The following GAS7 variants were observed in gnomAD, a reference collection of about 807,000 sequenced individuals.
The protein encoded by GAS7 is growth arrest specific 7, also known as growth arrest-specific protein 7.
Under a neutral mutation model 71.1 loss-of-function variants are expected in GAS7, and 28 were observed. The observed-to-expected ratio is 0.39, with a 90% CI of 0.29 to 0.54. The LOEUF (loss-of-function observed/expected upper bound fraction) is 0.54. Among genes scored for constraint, GAS7 ranks in the 20% least tolerant of loss-of-function variants. The probability of loss-of-function intolerance (pLI) is 0.62; values close to 1 mark genes in which losing one functional copy is unlikely to be tolerated. For missense variants in GAS7, 436 were observed against 627.8 expected, an observed-to-expected ratio of 0.69 and a Z score of 3.27; for synonymous variants, 258 against 245.8, an observed-to-expected ratio of 1.05 and a Z score of -0.46.
At chr17:10,121,134 A>C (rs1485017197) in intron 1 of GAS7, among the ~76,000 whole-genome samples, 1 of 152,160 alleles carries the variant, frequency 6.6e-6, no homozygotes, top group Non-Finnish European at 1.5e-5. Flanking sequence ...TAATCCCAGC[A>C]CTTTGCGAGG....
intron 8 of GAS7, among the ~76,000 whole-genome samples, chr17:9,939,005 T>C (rs781179938): frequency 6.6e-6 from 1 of 152,220 alleles, no homozygotes; most frequent in East Asian, 1.9e-4. Flanking sequence ...TGGGTATCCA[T>C]TGTGCATACA....
chr17:10,011,108 A>G (rs1420570276), intron 2 of GAS7, among the ~76,000 whole-genome samples: 1 of 152,246 alleles, frequency 6.6e-6, no homozygotes, highest in Non-Finnish European at 1.5e-5. Flanking sequence ...AGATCAAGTT[A>G]TCAAGGTCTG....
At chr17:10,046,785 A>AAAGAAAGGAAGGAAGGAAGG (rs2072968986) in intron 1 of GAS7, among the ~76,000 whole-genome samples, 3 of 68,808 alleles carry the variant, frequency 4.4e-5, no homozygotes, top group Non-Finnish European at 7.7e-5. Context: ...AGAAAGAAAG[A>AAAGAAAGGAAGGAAGGAAGG]AAGGAAGGAA....
intron 1 of GAS7, among the ~76,000 whole-genome samples, chr17:10,081,916 C>T (rs567856355): frequency 7.2e-4 from 109 of 152,116 alleles, no homozygotes; most frequent in Non-Finnish European, 1.2e-3. Flanking sequence ...GTATATGGAC[C>T]CAAGAAATAC....
intron 1 of GAS7, among the ~76,000 whole-genome samples, chr17:10,068,190 C>T (rs1402369317): frequency 6.6e-6 from 1 of 152,150 alleles, no homozygotes; most frequent in Non-Finnish European, 1.5e-5. Flanking sequence ...CAGGCACCCC[C>T]ATATGCACTT....
At chr17:10,182,100 G>T (rs1597840094) in intron 1 of GAS7, among the ~76,000 whole-genome samples, 1 of 152,116 alleles carries the variant, frequency 6.6e-6, no homozygotes, top group Admixed American at 6.5e-5. Context: ...AGAAATAACA[G>T]TAAGTATAGT....
intron 2 of GAS7, among the ~76,000 whole-genome samples, chr17:10,014,715 GGT>G (rs2071921783): frequency 6.6e-6 from 1 of 152,054 alleles, no homozygotes; most frequent in Non-Finnish European, 1.5e-5. Flanking sequence ...AACACTTATA[GGT>G]TTATATGTGT....
intron 1 of GAS7, among the ~76,000 whole-genome samples, chr17:10,130,993 T>C (rs529610680): frequency 5.3e-5 from 8 of 152,198 alleles, no homozygotes; most frequent in Admixed American, 3.9e-4. Flanking sequence ...CAGGGGTGAA[T>C]TGAATGGTAT....
At chr17:10,081,511 T>C (rs1397279290) in intron 1 of GAS7, among the ~76,000 whole-genome samples, 7 of 152,106 alleles carry the variant, frequency 4.6e-5, no homozygotes, top group African/African-American at 7.2e-5. Context: ...ATTAATAAAT[T>C]TGACTAGATT....
At chr17:10,074,262 C>A (rs2073369631) in intron 1 of GAS7, among the ~76,000 whole-genome samples, 1 of 152,158 alleles carries the variant, frequency 6.6e-6, no homozygotes, top group Non-Finnish European at 1.5e-5. Context: ...TTGCTTTCTG[C>A]TGGATTGATT....
intron 1 of GAS7, among the ~76,000 whole-genome samples, chr17:10,191,874 CAAAAAAAA>C (rs11303007): frequency 9.1e-6 from 1 of 110,404 alleles, no homozygotes. Context: ...GACTCCATCT[CAAAAAAAA>C]AAAAAAAAAA....
At chr17:9,947,745 T>C (rs1231323775) in intron 5 of GAS7, among the ~76,000 whole-genome samples, 1 of 137,938 alleles carries the variant, frequency 7.2e-6, no homozygotes, top group Non-Finnish European at 1.5e-5. Context: ...CATGCCATTG[T>C]ACGAACGAAA....
rs762410053 is a variant in GAS7, at chr17:9,919,969, T to TTA, written c.1139-265_1139-264insTA. ...AGGATTCAGGATGGTGGTTCTCATT[T>TTA]TGTGTGTGTGTGTGTGTGTGTGTGT... On this transcript the variant is annotated intron_variant, in intron 11 of 13. Transcript: ENST00000432992. This position sits in a 1 kb window ranked among gnomAD's most constrained non-coding sequence, Gnocchi z 5.0. Among the ~76,000 whole-genome samples, 2 of 131,498 alleles carry TTA rather than the reference T, an allele frequency of 1.5e-5. No homozygotes were observed. Among genetic ancestry groups the TTA allele is most frequent in the East Asian group, 4.7e-4 (2 of 4,254 alleles). 86.3% of individuals were successfully genotyped at this position (131,498 alleles called of 152,430 possible).
At chr17:10,011,262 T>C (rs150130481) in intron 2 of GAS7, among the ~76,000 whole-genome samples, 1 of 152,294 alleles carries the variant, frequency 6.6e-6, no homozygotes, top group African/African-American at 2.4e-5. Context: ...GACCACTGCC[T>C]TGGGCTTGGA....
At chr17:9,996,089 G>A (rs2071029691) in intron 2 of GAS7, among the ~76,000 whole-genome samples, 1 of 152,166 alleles carries the variant, frequency 6.6e-6, no homozygotes, top group Non-Finnish European at 1.5e-5. Flanking sequence ...AAAGTAAGAA[G>A]ACTATAACCA....
rs34994635 is a variant in GAS7 at position 9,919,969 on chromosome 17, TTG to T, written c.1139-266_1139-265del. Among the ~76,000 whole-genome samples the T allele has an allele frequency of 0.094, 12,304 of 131,264 alleles. 561 individuals carry two copies. The highest frequency in any genetic ancestry group is 0.2 in the Middle Eastern group (50 of 244). The allele number at this position is 131,264 out of a possible 152,430, so 86.1% of individuals were successfully genotyped here. A position where few individuals can be genotyped will look rare whatever the true frequency, so the allele number is the denominator to read the frequency against. Reference sequence around the variant, plus strand: ...AGGATTCAGGATGGTGGTTCTCATTTTGTGTGTGTGTGTGTGTGTGTGTGTGT... The same window carrying T: ...AGGATTCAGGATGGTGGTTCTCATTTTGTGTGTGTGTGTGTGTGTGTGTGT... On this transcript the variant is annotated intron_variant, in intron 11 of 13. Coordinates refer to ENST00000432992, the MANE Select transcript of GAS7 (RefSeq NM_201433.2). This position sits in a 1 kb window ranked among gnomAD's most constrained non-coding sequence, Gnocchi z 5.0.
chr17:10,094,138 T>C (rs2073617301), intron 1 of GAS7, among the ~76,000 whole-genome samples: 1 of 152,234 alleles, frequency 6.6e-6, no homozygotes, highest in Non-Finnish European at 1.5e-5. Context: ...TACAGACTGC[T>C]AATCGCTAAC....
chr17:10,191,133 C>T (rs2074495775), intron 1 of GAS7, among the ~76,000 whole-genome samples: 1 of 148,360 alleles, frequency 6.7e-6, no homozygotes, highest in Admixed American at 6.8e-5. Flanking sequence ...CGAGATCACG[C>T]CATTGTACTC....
chr17:9,982,853 G>GA (rs1236293279), intron 2 of GAS7, among the ~76,000 whole-genome samples: 1 of 150,024 alleles, frequency 6.7e-6, no homozygotes, highest in Non-Finnish European at 1.5e-5. Flanking sequence ...AAGAAAGAAA[G>GA]AAAGAAAGAA....
Sources: allele counts gnomAD v4.1 joint callset (sites outside exome capture counted in the v4.1 genomes callset), GRCh38; gene constraint gnomAD v4.1.1; non-coding constraint Gnocchi (gnomAD v3.1); transcripts MANE v1.5; gene names NCBI Gene and HGNC (gene_info 2026-07-23, HGNC 2026-07-21).